RXFP1: variants seen among roughly 807,000 people sequenced by gnomAD.
The protein encoded by RXFP1 is relaxin receptor 1.
Under a neutral mutation model 89.8 loss-of-function variants are expected in RXFP1, and 73 were observed. The observed-to-expected ratio is 0.81, with a 90% confidence interval of 0.67 to 0.99. The LOEUF (loss-of-function observed/expected upper bound fraction) is 0.99, where lower values mean the gene tolerates loss of function less well. Ranked by LOEUF, RXFP1 falls within the 50% of genes least tolerant of loss-of-function variation. The pLI is 0.00. For missense variants in RXFP1, 793 were observed against 895.5 expected (o/e 0.89, Z 1.46); for synonymous variants, 277 against 305.5 (o/e 0.91, Z 0.97).
chr4:158,546,566 A>T (rs1323363160), intron 1 of RXFP1, among the ~76,000 whole-genome samples: 3 of 152,216 alleles, frequency 2.0e-5, no homozygotes, highest in African/African-American at 7.2e-5. Context: ...TTGTCTATTC[A>T]GTATGATATT....
rs185001120 is a variant in RXFP1 at position 158,650,675 on chromosome 4, C to G, written c.1976-1082C>G. Among the ~76,000 whole-genome samples the G allele has an allele frequency of 2.9e-3, 439 of 151,870 alleles. 2 individuals carry two copies. The highest frequency in any genetic ancestry group is 9.8e-3 in the African/African-American group (405 of 41,424). On this transcript the variant is annotated intron_variant, in intron 17 of 17. Transcript: ENST00000307765. ...GTCCCAGCTACTTGGGAGGCTGAGGCATGAGAATGCTTGAACTTGGGAGGC... is the reference window on the plus strand; with the variant it reads ...GTCCCAGCTACTTGGGAGGCTGAGGGATGAGAATGCTTGAACTTGGGAGGC...
chr4:158,619,267 G>A lies in RXFP1; in HGVS notation c.755+2062G>A, dbSNP rs1450197273. Among the ~76,000 whole-genome samples, 5 of 152,148 alleles carry A rather than the reference G, an allele frequency of 3.3e-5. No individual in the cohort carries two copies. The South Asian group carries it at 6.2e-4, about 19-fold the overall frequency. The stretch of plus-strand genomic sequence containing the variant: ...TTAAGATATAGAAAGCCACAAGACA[G>A]CAGTACTTCCTCTCTACCTATAAGA... On this transcript the variant is annotated intron_variant, in intron 9 of 17. Transcript: ENST00000307765.
intron 3 of RXFP1, among the ~76,000 whole-genome samples, chr4:158,596,703 A>G (rs1025450347): frequency 6.6e-6 from 1 of 152,248 alleles, no homozygotes; most frequent in African/African-American, 2.4e-5. Flanking sequence ...GTGAGTGGAA[A>G]GCGAATGACA....
intron 1 of RXFP1, among the ~76,000 whole-genome samples, chr4:158,530,290 T>C (rs982250589): frequency 1.3e-5 from 2 of 152,228 alleles, no homozygotes; most frequent in African/African-American, 4.8e-5. Flanking sequence ...TGTAAGTTAA[T>C]GAAAATAACT....
rs1039928715 is a variant in RXFP1 at position 158,617,032 on chromosome 4, G to A, written c.681-99G>A. On this transcript the variant is annotated intron_variant, in intron 8 of 17. Transcript: ENST00000307765. ...AGAAGGAAAAAACAACTAATTTAGT[G>A]GATTTGTGGGTTTCATAAGAATAAT... 3.8e-6 allele frequency: 3 copies of A among 781,274 alleles called. No homozygotes were observed. In the African/African-American group the frequency reaches 5.5e-5, roughly 14 times the overall value. The allele number at this position is 781,274 out of a possible 1,614,324, so 48.4% of individuals were successfully genotyped here.
intron 11 of RXFP1, among the ~76,000 whole-genome samples, chr4:158,630,730 C>A (rs1767875147): frequency 6.6e-6 from 1 of 152,274 alleles, no homozygotes; most frequent in African/African-American, 2.4e-5. Flanking sequence ...TAAACACTTA[C>A]CTGAAAAATC....
chr4:158,562,001 T>A (rs1035841837), intron 1 of RXFP1, among the ~76,000 whole-genome samples: 1 of 152,150 alleles, frequency 6.6e-6, no homozygotes, highest in African/African-American at 2.4e-5. Flanking sequence ...ATAGTAAATG[T>A]CAAGTTACCT....
At chr4:158,638,812 A>C (rs892105633) in intron 13 of RXFP1, among the ~76,000 whole-genome samples, 1 of 3,066 alleles carries the variant, frequency 3.3e-4, no homozygotes, top group African/African-American at 3.4e-4. Context: ...ACCCTGTCTC[A>C]AAAAAAAAAA....
intron 2 of RXFP1, among the ~76,000 whole-genome samples, chr4:158,588,764 C>T (rs1052878596): frequency 2.0e-5 from 3 of 152,214 alleles, no homozygotes; most frequent in Admixed American, 6.5e-5. Context: ...ATGACAGGTT[C>T]CTTGCAGTTG....
intron 6 of RXFP1, among the ~76,000 whole-genome samples, chr4:158,611,102 T>C (rs959608172): frequency 1.3e-5 from 2 of 152,214 alleles, no homozygotes; most frequent in African/African-American, 4.8e-5. Context: ...TAATATGTAC[T>C]GAATGTTTAT....
chr4:158,650,091 T>C (rs901541866), intron 17 of RXFP1, among the ~76,000 whole-genome samples: 2 of 152,232 alleles, frequency 1.3e-5, no homozygotes, highest in Non-Finnish European at 2.9e-5. Context: ...AATGCTGCAA[T>C]ATAGATGAAC....
At chr4:158,613,760 C>T (rs1013047653) in intron 8 of RXFP1, among the ~76,000 whole-genome samples, 5 of 152,178 alleles carry the variant, frequency 3.3e-5, no homozygotes, top group Admixed American at 2.6e-4. Flanking sequence ...AATATTTTGA[C>T]CTTGTTTTCA....
intron 2 of RXFP1, among the ~76,000 whole-genome samples, chr4:158,580,904 T>C (rs1757226399): frequency 6.6e-6 from 1 of 152,146 alleles, no homozygotes; most frequent in African/African-American, 2.4e-5. Context: ...TTCAAGTGAT[T>C]CTCCTGCCTC....
chr4:158,616,500 A>G (rs927107024), intron 8 of RXFP1, among the ~76,000 whole-genome samples: 1 of 151,622 alleles, frequency 6.6e-6, no homozygotes, highest in Non-Finnish European at 1.5e-5. Flanking sequence ...TAAAGAAAAA[A>G]AATGCCTTTA....
At chr4:158,611,673 C>T (rs1309906923) in intron 6 of RXFP1, among the ~76,000 whole-genome samples, 2 of 152,228 alleles carry the variant, frequency 1.3e-5, no homozygotes, top group African/African-American at 4.8e-5. Context: ...GTAAAGCCTT[C>T]TCCTGGCTCC....
chr4:158,575,325 CA>C (rs1187774624), intron 2 of RXFP1, among the ~76,000 whole-genome samples: 1 of 151,674 alleles, frequency 6.6e-6, no homozygotes, highest in Non-Finnish European at 1.5e-5. Flanking sequence ...TAAAGGGAGG[CA>C]AAAAATGGCT....
intron 2 of RXFP1, among the ~76,000 whole-genome samples, chr4:158,586,591 A>G (rs1357611290): frequency 1.3e-5 from 2 of 152,218 alleles, no homozygotes; most frequent in Non-Finnish European, 2.9e-5. Flanking sequence ...AGGACACAGG[A>G]TTTAAAATAT....
rs144771406 is a variant in RXFP1 at position 158,595,194 on chromosome 4, G to A, written c.286+1695G>A. The stretch of plus-strand genomic sequence containing the variant: ...ATTCAATTCTCTTACTCATCATCAC[G>A]TTTTCTATTCTCTCCGTTTTGTACA... On this transcript the variant is annotated intron_variant, in intron 3 of 17. Transcript: ENST00000307765. Among the ~76,000 whole-genome samples the A allele has an allele frequency of 6.1e-3, 924 of 152,156 alleles. 12 individuals carry two copies. Among genetic ancestry groups the A allele is most frequent in the Admixed American group, 0.033 (498 of 15,280 alleles).
Position 158,639,338 on chromosome 4 carries a change from A to G in RXFP1, c.1115+7A>G. The G allele has an allele frequency of 1.4e-6, 2 of 1,435,658 alleles. No homozygotes were observed. The highest frequency in any genetic ancestry group is 2.0e-6 in the Non-Finnish European group (2 of 1,019,928). 88.9% of individuals were successfully genotyped at this position (1,435,658 alleles called of 1,614,324 possible). ...TTATGAATCTCTCTCACATGTAAGT[A>G]GATATTTTATTGTTTTTCACTGTGA... On this transcript the variant is annotated splice_region_variant and intron_variant, in intron 14 of 17. Coordinates refer to ENST00000307765, the MANE Select transcript of RXFP1 (RefSeq NM_021634.4).
Sources: allele counts gnomAD v4.1 joint callset (sites outside exome capture counted in the v4.1 genomes callset), GRCh38; gene constraint gnomAD v4.1.1; transcripts MANE v1.5; gene names NCBI Gene and HGNC (gene_info 2026-07-23, HGNC 2026-07-21).